Variants in CYP4X1 observed in about 807,000 individuals in gnomAD.
CYP4X1 encodes the protein cytochrome P450 4X1.
Under a neutral mutation model 57.9 loss-of-function variants are expected in CYP4X1, and 44 were observed. That is an observed-to-expected ratio of 0.76 (90% CI 0.60 to 0.98). The LOEUF (loss-of-function observed/expected upper bound fraction) is 0.98, where lower values mean the gene tolerates loss of function less well. CYP4X1 is among the 50% of genes least tolerant of loss of function. CYP4X1 has a pLI of 0.00. For synonymous variants in CYP4X1, 227 were observed against 228.6 expected (o/e 0.99, Z 0.06); for missense variants, 532 against 623.9 (o/e 0.85, Z 1.57).
intron 10 of CYP4X1, among the ~76,000 whole-genome samples, chr1:47,049,018 A>G (rs981490409): frequency 6.6e-6 from 1 of 152,254 alleles, no homozygotes; most frequent in Non-Finnish European, 1.5e-5. Flanking sequence ...GGTATCAGAC[A>G]AATCAGCTGT....
At chr1:47,023,538 T>C (rs937719751), upstream of CYP4X1, 47 of 1,187,534 alleles carry the variant, frequency 4.0e-5, no homozygotes, top group Middle Eastern at 1.3e-3. Flanking sequence ...CTGAAAACTG[T>C]TGGACTTAAA....
At chr1:47,031,294 AG>A in intron 2 of CYP4X1, 141 bp from the exon 3 acceptor site, 1 of 943,330 alleles carries the variant, frequency 1.1e-6, no homozygotes, top group South Asian at 1.6e-5. Flanking sequence ...AGGCTGCCAA[AG>A]GCAGCAGGAA....
the CYP4X1 span, among the ~76,000 whole-genome samples, chr1:46,969,489 A>G: frequency 6.6e-6 from 1 of 152,226 alleles, no homozygotes; most frequent in Admixed American, 6.5e-5. Flanking sequence ...AATGCTGAGA[A>G]AGGACTTTCT....
At chr1:47,018,082 C>T in the CYP4X1 span, among the ~76,000 whole-genome samples, 2 of 152,238 alleles carry the variant, frequency 1.3e-5, no homozygotes, top group Non-Finnish European at 2.9e-5. Flanking sequence ...ATATCTCCCC[C>T]ATTCATTCTT....
intron 8 of CYP4X1, among the ~76,000 whole-genome samples, chr1:47,046,058 C>T (rs1240652642): frequency 6.6e-6 from 1 of 152,118 alleles, no homozygotes; most frequent in Non-Finnish European, 1.5e-5. Flanking sequence ...GGGGAAGCAC[C>T]CTTCCTTTTC....
intron 1 of CYP4X1, 63 bp downstream of exon 1, chr1:47,024,057 C>T (rs1644034122): frequency 1.3e-6 from 2 of 1,528,144 alleles, no homozygotes; most frequent in Admixed American, 3.9e-5. Flanking sequence ...GGCAGAGGAG[C>T]CCAGCCGGCA....
the CYP4X1 span, among the ~76,000 whole-genome samples, chr1:46,963,435 G>A: frequency 3.3e-5 from 5 of 149,424 alleles, no homozygotes; most frequent in African/African-American, 1.2e-4. Flanking sequence ...AGGAGCTCTT[G>A]TAAGGCAGGC....
At chr1:47,041,962 G>A (rs1644251249) in intron 8 of CYP4X1, among the ~76,000 whole-genome samples, 2 of 152,004 alleles carry the variant, frequency 1.3e-5, no homozygotes, top group Non-Finnish European at 1.5e-5. Flanking sequence ...TGTATATGGA[G>A]TGAGATAAAG....
chr1:46,984,253 G>C, the CYP4X1 span, among the ~76,000 whole-genome samples: 1 of 152,016 alleles, frequency 6.6e-6, no homozygotes, highest in Non-Finnish European at 1.5e-5. Context: ...CCAATCCCCA[G>C]TGAGCAGTTG....
intron 10 of CYP4X1, among the ~76,000 whole-genome samples, chr1:47,049,156 C>T (rs1198777492): frequency 6.6e-6 from 1 of 152,066 alleles, no homozygotes; most frequent in Non-Finnish European, 1.5e-5. Flanking sequence ...AAAATACGTG[C>T]TGGATTTTGA....
At chr1:47,012,780 A>C in the CYP4X1 span, among the ~76,000 whole-genome samples, 1 of 152,192 alleles carries the variant, frequency 6.6e-6, no homozygotes, top group Admixed American at 6.5e-5. Context: ...GAAAGATAAA[A>C]GATATGTAAA....
Position 47,050,072 on chromosome 1 carries a change from AG to A in CYP4X1, c.1429del (p.Val477Ter). 9 of 1,614,028 alleles carry A rather than the reference AG, an allele frequency of 5.6e-6. 1 individual carries two copies. The South Asian group carries it at 9.9e-5, about 18-fold the overall frequency. On this transcript the variant is annotated frameshift_variant, in exon 12 of 12. Transcript: ENST00000371901. LOFTEE classifies it low-confidence loss of function (END_TRUNC). ...TTGCCTTGATTCTGCTCCACTTCAG[AG>A]TGACTCCAGACCCCACCAGGCCTCT... Reference protein sequence around the residue: ...TIALILLHFRVTPDPTRPLTF... With the variant: ...TIALILLHFRXTPDPTRPLTF...
chr1:47,007,465 C>G, the CYP4X1 span, among the ~76,000 whole-genome samples: 2 of 152,248 alleles, frequency 1.3e-5, no homozygotes, highest in East Asian at 3.9e-4. Context: ...GATAAAACCA[C>G]AAAGATGGGG....
intron 8 of CYP4X1, among the ~76,000 whole-genome samples, chr1:47,045,289 A>G (rs774195398): frequency 1.4e-4 from 21 of 152,218 alleles, no homozygotes; most frequent in Non-Finnish European, 2.9e-4. Context: ...TATGGAACCA[A>G]TCTGACTAGA....
At chr1:47,054,569 T>G (rs1304964096), downstream of CYP4X1, among the ~76,000 whole-genome samples, 3 of 152,190 alleles carry the variant, frequency 2.0e-5, no homozygotes, top group Non-Finnish European at 4.4e-5. Flanking sequence ...TGTTCTTCCA[T>G]TTGTTTGTAT....
chr1:47,046,742 G>T (rs112171351), intron 9 of CYP4X1, 142 bp downstream of exon 9: 19 of 1,221,022 alleles, frequency 1.6e-5, no homozygotes, highest in African/African-American at 1.2e-4. Flanking sequence ...CACCTATGAG[G>T]AGCTCAGAGG....
the CYP4X1 span, among the ~76,000 whole-genome samples, chr1:46,976,450 C>T: frequency 2.6e-5 from 4 of 152,098 alleles, no homozygotes; most frequent in South Asian, 2.1e-4. Context: ...CAGGGAATCT[C>T]GAACTAGGTG....
chr1:47,049,961 A>T, intron 11 of CYP4X1, 39 bp from the exon 12 acceptor site: 1 of 1,596,008 alleles, frequency 6.3e-7, no homozygotes, highest in Non-Finnish European at 8.6e-7. Flanking sequence ...AAGAAACATC[A>T]TTTTTTCAAG....
At chr1:46,990,580 A>G in the CYP4X1 span, among the ~76,000 whole-genome samples, 123,460 of 151,872 alleles carry the variant, frequency 0.81, 54,693 homozygotes, top group Non-Finnish European at 0.98. Flanking sequence ...AAATCATTCT[A>G]CTATAAAGAC....
Sources: gnomAD v4.1 joint callset for allele counts (sites outside exome capture counted in the v4.1 genomes callset) on GRCh38, gnomAD v4.1.1 for gene constraint, MANE v1.5 for transcripts, NCBI Gene and HGNC (gene_info 2026-07-23, HGNC 2026-07-21) for gene names.